The following DPH5 variants were observed in gnomAD, a reference collection of about 807,000 sequenced individuals.
DPH5 encodes diphthamide biosynthesis 5, also known as diphthine methyl ester synthase.
Under a neutral mutation model 31.6 loss-of-function variants are expected in DPH5, and 31 were observed. The ratio of observed to expected loss-of-function variants is 0.98; its 90% CI spans 0.74 to 1.32. DPH5 has a LOEUF of 1.32. Among genes scored for constraint, DPH5 ranks in the 40% most tolerant of loss-of-function variants. The pLI is 0.00. For synonymous variants in DPH5, 120 were observed against 115.0 expected, an observed-to-expected ratio of 1.04 and a Z score of -0.28; for missense variants, 309 against 335.7, an observed-to-expected ratio of 0.92 and a Z score of 0.62.
intron 3 of DPH5, among the ~76,000 whole-genome samples, chr1:101,017,606 C>T (rs1423568714): frequency 6.6e-6 from 1 of 152,158 alleles, no homozygotes; most frequent in African/African-American, 2.4e-5. Context: ...GGTAAAGCAA[C>T]ATTAGCATGT....
At chr1:101,003,838 A>T (rs1659040221) in intron 4 of DPH5, among the ~76,000 whole-genome samples, 1 of 152,196 alleles carries the variant, frequency 6.6e-6, no homozygotes, top group Non-Finnish European at 1.5e-5. Flanking sequence ...TTTACATTCT[A>T]AAAAGGATTT....
intron 2 of DPH5, among the ~76,000 whole-genome samples, chr1:101,023,776 A>G (rs573279309): frequency 6.6e-6 from 1 of 152,348 alleles, no homozygotes; most frequent in East Asian, 1.9e-4. Flanking sequence ...CATATACCAT[A>G]GTTAAGAACC....
At chr1:100,996,221 A>G (rs1414246148) in intron 5 of DPH5, 1 of 152,220 alleles carries the variant, frequency 6.6e-6, no homozygotes, top group African/African-American at 2.4e-5. Context: ...GTCAACTTTC[A>G]GATTTCCTTT....
intron 7 of DPH5, 152 bp from the exon 8 acceptor site, chr1:100,990,783 T>A: frequency 1.4e-6 from 1 of 710,964 alleles, no homozygotes; most frequent in Non-Finnish European, 2.3e-6. Context: ...CATTAATTCA[T>A]CCAAGGGATT....
chr1:101,009,323 G>C (rs1248085482), intron 4 of DPH5, among the ~76,000 whole-genome samples: 1 of 152,162 alleles, frequency 6.6e-6, no homozygotes, highest in Non-Finnish European at 1.5e-5. Flanking sequence ...ACCAATCAAA[G>C]TAGGAAGCCA....
chr1:100,991,788 C>CAAAAAAAAA (rs71084857), intron 7 of DPH5, among the ~76,000 whole-genome samples: 11 of 101,058 alleles, frequency 1.1e-4, no homozygotes, highest in African/African-American at 1.6e-4. Context: ...GACCCCATCT[C>CAAAAAAAAA]AAAAAAAAAA....
chr1:100,994,566 A>G (rs1394608637), intron 6 of DPH5, among the ~76,000 whole-genome samples: 1 of 149,508 alleles, frequency 6.7e-6, no homozygotes, highest in African/African-American at 2.5e-5. Flanking sequence ...TCACTCTGTT[A>G]CCCAGGCTGG....
chr1:101,021,817 AACACACACACACACACACACACAC>A (rs67726104), intron 2 of DPH5, 52 bp from the exon 3 acceptor site: 29 of 739,124 alleles, frequency 3.9e-5, no homozygotes, highest in East Asian at 2.2e-4. Flanking sequence ...TGACCATTCT[AACACACACACACACACACACACAC>A]ACACACACAC....
chr1:101,012,020 C>G (rs567929233), intron 4 of DPH5, among the ~76,000 whole-genome samples: 2 of 151,712 alleles, frequency 1.3e-5, no homozygotes, highest in Admixed American at 1.3e-4. Context: ...CCTGCCTCAG[C>G]CTCCCCAGTA....
At chr1:101,010,292 A>G (rs925961625) in intron 4 of DPH5, among the ~76,000 whole-genome samples, 5 of 152,192 alleles carry the variant, frequency 3.3e-5, no homozygotes, top group Non-Finnish European at 7.3e-5. Flanking sequence ...TTCATCAGGA[A>G]TATGGAGTTT....
rs988230183 is a variant in DPH5, at chr1:100,990,138, G to A, written c.*270C>T. 9 of 418,716 alleles carry A rather than the reference G, an allele frequency of 2.1e-5. No homozygotes were observed. The highest frequency in any genetic ancestry group is 8.1e-5 in the African/African-American group (4 of 49,578). 25.9% of individuals were successfully genotyped at this position (418,716 alleles called of 1,614,324 possible). A position where few individuals can be genotyped will look rare whatever the true frequency, so the allele number is the denominator to read the frequency against. ...AGGCCTCAGGAAACTTAACAATCAC[G>A]GTGGAAGGCACCTCTTCACAGGGCG... On this transcript the variant is annotated 3_prime_UTR_variant, in exon 8 of 8. Transcript: ENST00000370109.
In DPH5 at chr1:101,021,835, C is replaced by CAT; in HGVS notation, c.136-71_136-70insAT. ...CCATTCTAACACACACACACACACACACACACACACACACACACACACACT... is the reference window on the plus strand; with the variant it reads ...CCATTCTAACACACACACACACACACATACACACACACACACACACACACACT... On this transcript the variant is annotated intron_variant, in intron 2 of 7. Coordinates refer to ENST00000370109, the MANE Select transcript of DPH5 (RefSeq NM_015958.3). 3 of 1,322,506 alleles carry CAT rather than the reference C, an allele frequency of 2.3e-6. No homozygotes were observed. The East Asian group carries it at 7.2e-5, about 32-fold the overall frequency. The allele number at this position is 1,322,506 out of a possible 1,614,324, so 81.9% of individuals were successfully genotyped here.
intron 4 of DPH5, chr1:101,011,799 T>TA (rs1253259729): frequency 6.6e-6 from 1 of 152,070 alleles, no homozygotes; most frequent in Non-Finnish European, 1.5e-5. Flanking sequence ...TGAAATATGG[T>TA]AAAAATGTAT....
chr1:101,021,853 CACACACTCTT>C (rs1385688604), intron 2 of DPH5, 88 bp from the exon 3 acceptor site: 5 of 1,296,076 alleles, frequency 3.9e-6, no homozygotes, highest in Admixed American at 4.3e-5. Flanking sequence ...CACACACACA[CACACACTCTT>C]TGTTTGGGAC....
intron 3 of DPH5, among the ~76,000 whole-genome samples, chr1:101,015,293 G>C (rs996623007): frequency 2.0e-5 from 3 of 152,196 alleles, no homozygotes; most frequent in African/African-American, 7.2e-5. Flanking sequence ...TAGAATAGGT[G>C]TTGGGTTAGC....
chr1:101,017,869 C>T (rs143648491), intron 3 of DPH5, among the ~76,000 whole-genome samples: 20 of 152,174 alleles, frequency 1.3e-4, no homozygotes, highest in African/African-American at 4.8e-4. Context: ...TTAATATCAC[C>T]TTCAACAGAA....
intron 5 of DPH5, among the ~76,000 whole-genome samples, chr1:100,998,455 G>A (rs1488158838): frequency 6.7e-6 from 1 of 150,320 alleles, no homozygotes; most frequent in African/African-American, 2.5e-5. Context: ...GTTGCAGTGA[G>A]CCGAGACTGC....
rs1227272973 is a variant in DPH5, at chr1:100,992,676, C to A, written c.595G>T (p.Glu199Ter). Residue 199 changes from glutamate to a stop codon, truncating the protein, a stop_gained, in exon 7 of 8, where the codon GAG (glutamate) becomes TAG (stop). Coordinates refer to ENST00000370109, the MANE Select transcript of DPH5 (RefSeq NM_015958.3). LOFTEE classifies it high-confidence loss of function. The part of the protein sequence containing the change: ...SVNQAAQQLL[E>*]IVQNQRIRGE... ...CGTATTCTTTGATTTTGAACAATCTCCAGAAGCTGCTGGGCTGCTTGGTTT... is the reference window on the plus strand; with the variant it reads ...CGTATTCTTTGATTTTGAACAATCTACAGAAGCTGCTGGGCTGCTTGGTTT... The A allele has an allele frequency of 1.2e-6, 2 of 1,613,792 alleles. No homozygotes were observed. The highest frequency in any genetic ancestry group is 1.3e-5 in the African/African-American group (1 of 74,894).
intron 3 of DPH5, among the ~76,000 whole-genome samples, chr1:101,021,354 T>A (rs1396902865): frequency 6.6e-6 from 1 of 152,194 alleles, no homozygotes; most frequent in Non-Finnish European, 1.5e-5. Context: ...AGTTAAGGCA[T>A]TTGTTGCCCT....
Sources: gnomAD v4.1 joint callset for allele counts (sites outside exome capture counted in the v4.1 genomes callset) on GRCh38, gnomAD v4.1.1 for gene constraint, MANE v1.5 for transcripts, NCBI Gene and HGNC (gene_info 2026-07-23, HGNC 2026-07-21) for gene names.